Variants in CACNA1C observed in about 807,000 individuals in gnomAD.
CACNA1C encodes the protein voltage-dependent L-type calcium channel subunit alpha-1C.
A neutral mutation model predicts 229.0 loss-of-function variants in CACNA1C; 30 were observed. The observed-to-expected ratio is 0.13, with a 90% CI of 0.10 to 0.18. The LOEUF (loss-of-function observed/expected upper bound fraction) is 0.18. Ranked by LOEUF, CACNA1C falls within the 10% of genes least tolerant of loss-of-function variation. The pLI, the probability that CACNA1C is intolerant of heterozygous loss-of-function variation, is 1.00. For missense variants in CACNA1C, 1,658 were observed against 2,845.0 expected (o/e 0.58, Z 9.49); for synonymous variants, 1,114 against 1,132.5 (o/e 0.98, Z 0.33).
chr12:2,329,538 C>G (rs117517186), intron 3 of CACNA1C, among the ~76,000 whole-genome samples: 1,682 of 152,320 alleles, frequency 0.011, 14 homozygotes, highest in Non-Finnish European at 0.018. Context: ...GCATCCTATT[C>G]TGCACATGCC....
At chr12:2,013,859 C>G (rs910238448) in intron 1 of CACNA1C, among the ~76,000 whole-genome samples, 2 of 152,076 alleles carry the variant, frequency 1.3e-5, no homozygotes, top group African/African-American at 4.8e-5. Context: ...CTTAGAAACA[C>G]TTTAAGTGTT....
chr12:2,446,358 G>C (rs868065846), intron 3 of CACNA1C, among the ~76,000 whole-genome samples: 25 of 144,996 alleles, frequency 1.7e-4, no homozygotes, highest in Admixed American at 9.0e-4. Context: ...GTATGTATGT[G>C]TGTGGGTGGG....
intron 4 of CACNA1C, among the ~76,000 whole-genome samples, chr12:2,452,087 T>C (rs10848658): frequency 0.48 from 73,419 of 151,958 alleles, 18,291 homozygotes; most frequent in East Asian, 0.72. Flanking sequence ...TTGGCCCCTC[T>C]TCTGTAGCTG....
At chr12:2,013,271 A>C (rs1293421943) in intron 1 of CACNA1C, among the ~76,000 whole-genome samples, 4 of 152,212 alleles carry the variant, frequency 2.6e-5, no homozygotes, top group African/African-American at 9.7e-5. Flanking sequence ...TGACGTGTTT[A>C]GAATATAAAG....
rs1281935116 is a variant in CACNA1C at position 2,053,026 on chromosome 12, G to A, written c.-537G>A. The stretch of plus-strand genomic sequence containing the variant: ...GCCTCTGCAGAAACAGCTCCTGCCA[G>A]AGCGGCGCTCGGCGCGGCGCGGCGG... On this transcript the variant is annotated 5_prime_UTR_variant, in exon 1 of 47. Coordinates refer to ENST00000399655, the MANE Select transcript of CACNA1C (RefSeq NM_000719.7). The surrounding 1 kb of genome is among the most constrained non-coding windows in gnomAD (Gnocchi z 5.8). 11 of 984,398 alleles carry A rather than the reference G, an allele frequency of 1.1e-5. No individual in the cohort carries two copies. The highest frequency in any genetic ancestry group is 1.3e-5 in the Non-Finnish European group (11 of 829,596). The allele number at this position is 984,398 out of a possible 1,614,324, so 61.0% of individuals were successfully genotyped here.
At chr12:2,394,018 T>G (rs2098530637) in intron 3 of CACNA1C, among the ~76,000 whole-genome samples, 1 of 151,354 alleles carries the variant, frequency 6.6e-6, no homozygotes, top group Non-Finnish European at 1.5e-5. Context: ...AGCAGGAGGA[T>G]CTCTTGAGCC....
chr12:2,258,552 C>G (rs1176788943), intron 3 of CACNA1C, among the ~76,000 whole-genome samples: 8 of 152,150 alleles, frequency 5.3e-5, no homozygotes, highest in Non-Finnish European at 5.9e-5. Context: ...TATGTAGAAC[C>G]TGAGGTCCAT....
rs537214146 is a variant in CACNA1C, at chr12:2,519,107, C to T, written c.1390+6123C>T. Among the ~76,000 whole-genome samples the T allele has an allele frequency of 4.6e-5, 7 of 152,330 alleles. No homozygotes were observed. In the East Asian group the frequency reaches 1.3e-3, roughly 29 times the overall value. ...CAGGCAGCAGCACTCCCTAACTGTC[C>T]CTCTGTCCCCCTAGCTCTTGGGGCA... On this transcript the variant is annotated intron_variant, in intron 9 of 46. Coordinates refer to ENST00000399655, the MANE Select transcript of CACNA1C (RefSeq NM_000719.7).
At chr12:2,072,643 A>G (rs763910191) in intron 1 of CACNA1C, among the ~76,000 whole-genome samples, 19 of 152,142 alleles carry the variant, frequency 1.2e-4, no homozygotes, top group Non-Finnish European at 2.5e-4. Context: ...CTCCTTTTCA[A>G]TGTTTTGGTA....
chr12:2,356,649 G>A (rs2097371675), intron 3 of CACNA1C, among the ~76,000 whole-genome samples: 1 of 152,256 alleles, frequency 6.6e-6, no homozygotes, highest in Non-Finnish European at 1.5e-5. Context: ...GATGACCTCT[G>A]TGTGGCCAGC....
At chr12:2,041,190 G>T (rs1178104914) in intron 1 of CACNA1C, among the ~76,000 whole-genome samples, 1 of 151,006 alleles carries the variant, frequency 6.6e-6, no homozygotes, top group African/African-American at 2.4e-5. Context: ...GAGTGACTCT[G>T]TTGTGGAATA....
At position 2,522,950 on chromosome 12, in the gene CACNA1C, G is replaced by A. The variant is rs149855475; in HGVS notation, c.1390+9966G>A. Reference sequence around the variant, plus strand: ...CAGTTATGTGGCCGTTGCTCCCTCCGTACCATGCTGGTCTCTACCACAAGC... The same window carrying A: ...CAGTTATGTGGCCGTTGCTCCCTCCATACCATGCTGGTCTCTACCACAAGC... On this transcript the variant is annotated intron_variant, in intron 9 of 46. Transcript: ENST00000399655. Among the ~76,000 whole-genome samples, 614 of 152,190 alleles carry A rather than the reference G, an allele frequency of 4.0e-3. 2 individuals are homozygous for A. The highest frequency in any genetic ancestry group is 0.013 in the African/African-American group (558 of 41,512).
chr12:2,017,840 AGAGGCAAGAAGAGCCCAGCGG>A, intron 1 of CACNA1C, among the ~76,000 whole-genome samples: 1 of 152,182 alleles, frequency 6.6e-6, no homozygotes, highest in East Asian at 1.9e-4. Context: ...AGGAGACAGA[AGAGGCAAGAAGAGCCCAGCGG>A]GAGGCTCCCA....
intron 3 of CACNA1C, among the ~76,000 whole-genome samples, chr12:2,261,685 T>C (rs191444973): frequency 3.3e-5 from 5 of 152,178 alleles, no homozygotes; most frequent in African/African-American, 1.2e-4. Flanking sequence ...CTAGGAGATA[T>C]AGCATCAGAG....
At chr12:2,268,365 G>T (rs2083271444) in intron 3 of CACNA1C, among the ~76,000 whole-genome samples, 1 of 152,224 alleles carries the variant, frequency 6.6e-6, no homozygotes, top group Non-Finnish European at 1.5e-5. Flanking sequence ...ACGGGGCTCT[G>T]GCATGTTTGT....
At chr12:2,057,819 CG>C (rs938984667) in intron 1 of CACNA1C, among the ~76,000 whole-genome samples, 27 of 152,294 alleles carry the variant, frequency 1.8e-4, no homozygotes, top group African/African-American at 6.5e-4. Context: ...CCAGAGGGCC[CG>C]GTGGTGCCCA....
Position 2,353,741 on chromosome 12 carries a change from G to T in CACNA1C, c.478-95235G>T, listed in dbSNP as rs114043117. On this transcript the variant is annotated intron_variant, in intron 3 of 46. Coordinates refer to ENST00000399655, the MANE Select transcript of CACNA1C (RefSeq NM_000719.7). ...GGAGATTTGAAGGGGAGGCTGTCTG[G>T]GGGTGGGAGAGACAGTGCAGGCCCA... is the stretch of plus-strand genomic sequence containing the variant. Among the ~76,000 whole-genome samples the T allele has an allele frequency of 3.9e-3, 594 of 152,312 alleles. 3 individuals carry two copies. The highest frequency in any genetic ancestry group is 0.013 in the African/African-American group (555 of 41,570).
At chr12:2,521,752 A>C (rs1598789209) in intron 9 of CACNA1C, among the ~76,000 whole-genome samples, 1 of 149,160 alleles carries the variant, frequency 6.7e-6, no homozygotes, top group East Asian at 2.0e-4. Flanking sequence ...CTCTCCCCTC[A>C]CCTCTCTCCG....
chr12:2,118,601 T>C (rs771782806), intron 2 of CACNA1C, among the ~76,000 whole-genome samples: 2 of 152,250 alleles, frequency 1.3e-5, no homozygotes, highest in African/African-American at 2.4e-5. Context: ...ATCACAAGCG[T>C]ACATTCCACA....
Sources: allele counts gnomAD v4.1 joint callset (sites outside exome capture counted in the v4.1 genomes callset), GRCh38; gene constraint gnomAD v4.1.1; non-coding constraint Gnocchi (gnomAD v3.1); transcripts MANE v1.5; gene names NCBI Gene and HGNC (gene_info 2026-07-23, HGNC 2026-07-21).